DNM3: variants seen among roughly 807,000 people sequenced by gnomAD.
DNM3 encodes the protein dynamin 3.
DNM3 carries 47 observed loss-of-function variants against 101.6 expected under a neutral mutation model. The ratio of observed to expected loss-of-function variants is 0.46; its 90% CI spans 0.37 to 0.59. The LOEUF is 0.59. Among genes scored for constraint, DNM3 ranks in the 20% least tolerant of loss-of-function variants. The pLI, the probability that DNM3 is intolerant of heterozygous loss-of-function variation, is 0.00. For missense variants in DNM3, 849 were observed against 1,085.7 expected (o/e 0.78, Z 3.06); for synonymous variants, 385 against 387.9 (o/e 0.99, Z 0.09).
chr1:172,303,008 A>G (rs1281094361), intron 15 of DNM3, among the ~76,000 whole-genome samples: 1 of 152,196 alleles, frequency 6.6e-6, no homozygotes, highest in Non-Finnish European at 1.5e-5. Flanking sequence ...CAGCAATGGA[A>G]TAAAGCTGGA....
At chr1:172,320,348 A>ATG (rs2065644666) in intron 16 of DNM3, among the ~76,000 whole-genome samples, 1 of 150,852 alleles carries the variant, frequency 6.6e-6, no homozygotes, top group Admixed American at 6.6e-5. Flanking sequence ...TAACCTGAAC[A>ATG]TTGTGCACAG....
intron 10 of DNM3, among the ~76,000 whole-genome samples, chr1:172,066,512 C>A (rs1015418059): frequency 2.0e-5 from 3 of 152,004 alleles, no homozygotes; most frequent in Non-Finnish European, 4.4e-5. Context: ...CCTATTAATC[C>A]ATTAGTCCAT....
chr1:171,995,422 T>G (rs1417124936), intron 4 of DNM3, among the ~76,000 whole-genome samples: 1 of 152,090 alleles, frequency 6.6e-6, no homozygotes. Flanking sequence ...CAGGTGTTTT[T>G]TTTTTTGAAT....
rs553040464 is a variant in DNM3 at position 172,036,746 on chromosome 1, A to C, written c.850-1573A>C. Among the ~76,000 whole-genome samples, 428 of 152,250 alleles carry C rather than the reference A, an allele frequency of 2.8e-3. 3 individuals are homozygous for C. The highest frequency in any genetic ancestry group is 9.7e-3 in the African/African-American group (402 of 41,582). ...GGACATAGGCATGGGCAAGGACTTC[A>C]TGTCTAAAACACCAAAAGCAATGGC... On this transcript the variant is annotated intron_variant, in intron 6 of 20. Transcript: ENST00000627582.
chr1:171,974,338 T>G (rs2044224260), intron 2 of DNM3, among the ~76,000 whole-genome samples: 1 of 152,166 alleles, frequency 6.6e-6, no homozygotes, highest in African/African-American at 2.4e-5. Flanking sequence ...TAAGATAGTT[T>G]TTTTCTCATA....
At chr1:172,327,517 G>A (rs188214365) in intron 17 of DNM3, among the ~76,000 whole-genome samples, 5 of 152,230 alleles carry the variant, frequency 3.3e-5, no homozygotes, top group Admixed American at 6.5e-5. Flanking sequence ...CTGATGATGC[G>A]TGTTATAATC....
intron 14 of DNM3, among the ~76,000 whole-genome samples, chr1:172,141,107 A>G (rs1345980390): frequency 6.6e-6 from 1 of 152,060 alleles, no homozygotes; most frequent in Non-Finnish European, 1.5e-5. Flanking sequence ...AATTAAACCA[A>G]AGCAACTCCA....
intron 14 of DNM3, among the ~76,000 whole-genome samples, chr1:172,199,339 A>C (rs988937932): frequency 6.6e-6 from 1 of 152,022 alleles, no homozygotes; most frequent in African/African-American, 2.4e-5. Flanking sequence ...TATATGGTCT[A>C]TTTTAGAGTA....
At chr1:172,033,838 C>T (rs1201304623) in intron 6 of DNM3, among the ~76,000 whole-genome samples, 11 of 152,082 alleles carry the variant, frequency 7.2e-5, no homozygotes, top group Admixed American at 3.3e-4. Context: ...ATGCACTATG[C>T]ACACACTTCT....
intron 1 of DNM3, among the ~76,000 whole-genome samples, chr1:171,914,298 C>G (rs1404928840): frequency 6.6e-6 from 1 of 152,132 alleles, no homozygotes; most frequent in Non-Finnish European, 1.5e-5. Flanking sequence ...GCTGGGATTA[C>G]AGGCATGCAC....
At chr1:171,844,597 T>G (rs1049363630) in intron 1 of DNM3, among the ~76,000 whole-genome samples, 1 of 152,218 alleles carries the variant, frequency 6.6e-6, no homozygotes, top group East Asian at 1.9e-4. Flanking sequence ...TTGAGATTGT[T>G]ATGAATAAAA....
chr1:172,376,644 G>A (rs2068619099), intron 17 of DNM3: 1 of 152,006 alleles, frequency 6.6e-6, no homozygotes, highest in South Asian at 2.1e-4. Context: ...TTTCTAAAAT[G>A]AGGAAATAAA....
intron 1 of DNM3, among the ~76,000 whole-genome samples, chr1:171,903,357 G>A (rs2038545150): frequency 1.3e-5 from 2 of 151,890 alleles, no homozygotes; most frequent in African/African-American, 4.8e-5. Flanking sequence ...CTTTGTACTT[G>A]GATACCATTT....
intron 1 of DNM3, among the ~76,000 whole-genome samples, chr1:171,891,746 A>G (rs1010367998): frequency 6.6e-6 from 1 of 152,148 alleles, no homozygotes; most frequent in Non-Finnish European, 1.5e-5. Flanking sequence ...TCACAGAGGG[A>G]AATTACCATC....
chr1:172,072,154 A>G (rs898540868), intron 11 of DNM3, among the ~76,000 whole-genome samples: 2 of 152,218 alleles, frequency 1.3e-5, no homozygotes, highest in African/African-American at 2.4e-5. Context: ...ATTACAGTTT[A>G]TTGGTACAAA....
chr1:172,098,541 A>G (rs1028897488), intron 13 of DNM3, among the ~76,000 whole-genome samples: 31 of 152,156 alleles, frequency 2.0e-4, no homozygotes, highest in Admixed American at 2.0e-4. Flanking sequence ...GGTGACATAC[A>G]TCCTCCTCAG....
chr1:172,158,972 A>G (rs567564628), intron 14 of DNM3, among the ~76,000 whole-genome samples: 1 of 152,060 alleles, frequency 6.6e-6, no homozygotes, highest in African/African-American at 2.4e-5. Flanking sequence ...CTTTCTGCAC[A>G]TGATCAAGCT....
At chr1:172,200,551 A>G (rs1457255976) in intron 14 of DNM3, among the ~76,000 whole-genome samples, 2 of 152,138 alleles carry the variant, frequency 1.3e-5, no homozygotes, top group Admixed American at 1.3e-4. Flanking sequence ...AGTGATTTGT[A>G]GATTTGGCAT....
intron 14 of DNM3, among the ~76,000 whole-genome samples, chr1:172,170,081 A>G (rs1437252876): frequency 1.3e-5 from 2 of 151,936 alleles, no homozygotes; most frequent in Non-Finnish European, 2.9e-5. Context: ...TAGCTTCTAG[A>G]TCAATGTTTT....
Sources: gnomAD v4.1 joint callset for allele counts (sites outside exome capture counted in the v4.1 genomes callset) on GRCh38, gnomAD v4.1.1 for gene constraint, MANE v1.5 for transcripts, NCBI Gene and HGNC (gene_info 2026-07-23, HGNC 2026-07-21) for gene names.